The following ADAMTS12 variants were observed in gnomAD, a reference collection of about 807,000 sequenced individuals.
The protein encoded by ADAMTS12 is ADAM metallopeptidase with thrombospondin type 1 motif 12, also known as A disintegrin and metalloproteinase with thrombospondin motifs 12.
Under a neutral mutation model 167.8 loss-of-function variants are expected in ADAMTS12, and 118 were observed. That is an observed-to-expected ratio of 0.70 (90% CI 0.61 to 0.82). The LOEUF is 0.82. ADAMTS12 is among the 40% of genes least tolerant of loss of function. ADAMTS12 has a pLI of 0.00. For missense variants in ADAMTS12, 1,916 were observed against 1,998.8 expected (o/e 0.96, Z 0.79); for synonymous variants, 704 against 716.9 (o/e 0.98, Z 0.29).
intron 2 of ADAMTS12, among the ~76,000 whole-genome samples, chr5:33,780,269 G>T (rs2112440243): frequency 6.6e-6 from 1 of 152,202 alleles, no homozygotes; most frequent in Admixed American, 6.5e-5. Flanking sequence ...TGTCAGTCAA[G>T]GTTAAAAAGG....
chr5:33,785,438 A>G (rs1746291896), intron 2 of ADAMTS12, among the ~76,000 whole-genome samples: 1 of 152,100 alleles, frequency 6.6e-6, no homozygotes, highest in Non-Finnish European at 1.5e-5. Context: ...ACTTGCATTC[A>G]GAGTGTGTGT....
intron 2 of ADAMTS12, among the ~76,000 whole-genome samples, chr5:33,832,843 C>T (rs1191805234): frequency 6.6e-6 from 1 of 152,130 alleles, no homozygotes; most frequent in Non-Finnish European, 1.5e-5. Context: ...CTAAAGACAG[C>T]CGTGGGAGGT....
intron 2 of ADAMTS12, among the ~76,000 whole-genome samples, chr5:33,811,041 C>T (rs1410509260): frequency 1.3e-5 from 2 of 152,198 alleles, no homozygotes; most frequent in African/African-American, 4.8e-5. Flanking sequence ...GAGCCAACTC[C>T]TTGAAGACCA....
intron 14 of ADAMTS12, 72 bp from the exon 15 acceptor site, chr5:33,616,144 ACTGTTAATCCT>A (rs1739001378): frequency 3.8e-6 from 6 of 1,566,686 alleles, no homozygotes; most frequent in South Asian, 1.2e-5. Flanking sequence ...TTTGTGACCC[ACTGTTAATCCT>A]CTTTCCAGCC....
rs150173454 is a variant in ADAMTS12 at position 33,792,461 on chromosome 5, G to A, written c.490-40913C>T. Among the ~76,000 whole-genome samples the A allele has an allele frequency of 2.4e-3, 367 of 152,266 alleles. 1 individual carries two copies. The highest frequency in any genetic ancestry group is 8.5e-3 in the African/African-American group (352 of 41,556). On this transcript the variant is annotated intron_variant, in intron 2 of 23. Transcript: ENST00000504830. Reference sequence around the variant, plus strand: ...CTAAAATTCTGTCTGAAAAGTACTGGTTTTCCTTGACCTCGTGATAATATC... The same window carrying A: ...CTAAAATTCTGTCTGAAAAGTACTGATTTTCCTTGACCTCGTGATAATATC...
intron 2 of ADAMTS12, among the ~76,000 whole-genome samples, chr5:33,807,812 T>C (rs1171180388): frequency 6.6e-6 from 1 of 152,144 alleles, no homozygotes; most frequent in African/African-American, 2.4e-5. Context: ...CGAGTAATGG[T>C]TATTCAAAGT....
At chr5:33,687,182 A>C (rs1472184928) in intron 3 of ADAMTS12, among the ~76,000 whole-genome samples, 1 of 151,964 alleles carries the variant, frequency 6.6e-6, no homozygotes, top group East Asian at 1.9e-4. Flanking sequence ...ATATAGGAGG[A>C]AATGTGGAAA....
At chr5:33,554,653 G>A (rs1052642810) in intron 20 of ADAMTS12, among the ~76,000 whole-genome samples, 1 of 152,156 alleles carries the variant, frequency 6.6e-6, no homozygotes, top group Non-Finnish European at 1.5e-5. Flanking sequence ...TTTAGTAAAT[G>A]TTTCTGGGAA....
chr5:33,551,722 A>T (rs1469170649), intron 20 of ADAMTS12, among the ~76,000 whole-genome samples: 1 of 152,220 alleles, frequency 6.6e-6, no homozygotes, highest in Non-Finnish European at 1.5e-5. Context: ...AGTGGGAAAT[A>T]AAATTTATTA....
intron 7 of ADAMTS12, among the ~76,000 whole-genome samples, chr5:33,656,946 G>C (rs193243733): frequency 6.6e-6 from 1 of 152,286 alleles, no homozygotes; most frequent in Non-Finnish European, 1.5e-5. Flanking sequence ...GATAACTAAG[G>C]ATACTGGAAT....
intron 22 of ADAMTS12, among the ~76,000 whole-genome samples, chr5:33,542,130 A>G (rs1199930049): frequency 6.6e-6 from 1 of 152,114 alleles, no homozygotes; most frequent in African/African-American, 2.4e-5. Context: ...TCAAAAAAAA[A>G]GGGATGGAGG....
At chr5:33,870,624 G>A (rs114216940) in intron 2 of ADAMTS12, among the ~76,000 whole-genome samples, 3 of 152,194 alleles carry the variant, frequency 2.0e-5, no homozygotes, top group Non-Finnish European at 4.4e-5. Context: ...GGAGGGGCCA[G>A]AGCTAAAATG....
chr5:33,781,698 A>C (rs1046038153), intron 2 of ADAMTS12, among the ~76,000 whole-genome samples: 2 of 149,790 alleles, frequency 1.3e-5, no homozygotes, highest in African/African-American at 4.9e-5. Flanking sequence ...TTTTTTTTTT[A>C]TTTTATTATT....
At chr5:33,574,695 T>C (rs1579689132) in intron 19 of ADAMTS12, among the ~76,000 whole-genome samples, 1 of 152,214 alleles carries the variant, frequency 6.6e-6, no homozygotes, top group Non-Finnish European at 1.5e-5. Context: ...CATGTATACA[T>C]ATGTAACAAA....
At chr5:33,528,396 A>C (rs989552163) in intron 23 of ADAMTS12, among the ~76,000 whole-genome samples, 1 of 152,186 alleles carries the variant, frequency 6.6e-6, no homozygotes, top group Non-Finnish European at 1.5e-5. Flanking sequence ...ATCCCCCACA[A>C]CTACTTTGGT....
intron 12 of ADAMTS12, among the ~76,000 whole-genome samples, chr5:33,634,565 T>C (rs1187220745): frequency 6.6e-6 from 1 of 152,034 alleles, no homozygotes; most frequent in African/African-American, 2.4e-5. Context: ...TCAAATCAGC[T>C]TGGAGGAAAA....
Position 33,588,764 on chromosome 5 carries a change from G to T in ADAMTS12, c.2700C>A (p.Pro900=). 1 of 1,613,968 alleles carries T rather than the reference G, an allele frequency of 6.2e-7. No individual in the cohort carries two copies. The highest frequency in any genetic ancestry group is 8.5e-7 in the Non-Finnish European group (1 of 1,180,024). The change falls in exon 18 of 24, where the codon CCC becomes CCA. Residue 900 remains proline (P), a synonymous_variant. Coordinates refer to ENST00000504830, the MANE Select transcript of ADAMTS12 (RefSeq NM_030955.4). ...GCACGGTTCGCTTCTTCTCCCCGTG[G>T]GGCCCGCATGTCGCCGAGCATGCTT... The part of the protein sequence containing the change: ...EWEACSATCG[P]HGEKKRTVLC...
chr5:33,592,010 C>T (rs970634337), intron 17 of ADAMTS12, among the ~76,000 whole-genome samples: 1 of 151,848 alleles, frequency 6.6e-6, no homozygotes, highest in Middle Eastern at 3.4e-3. Context: ...CACCTGAGGT[C>T]GGGAGTTCGA....
intron 10 of ADAMTS12, 97 bp from the exon 11 acceptor site, chr5:33,642,052 C>G: frequency 3.1e-6 from 4 of 1,308,812 alleles, no homozygotes; most frequent in Non-Finnish European, 4.1e-6. Flanking sequence ...TCTCTGCAAG[C>G]AAGCCGGCTT....
Sources: allele counts gnomAD v4.1 joint callset (sites outside exome capture counted in the v4.1 genomes callset), GRCh38; gene constraint gnomAD v4.1.1; transcripts MANE v1.5; gene names NCBI Gene and HGNC (gene_info 2026-07-23, HGNC 2026-07-21).